The following ARB2A variants were observed in gnomAD, a reference collection of about 807,000 sequenced individuals.
ARB2A encodes the protein cotranscriptional regulator ARB2A.
the ARB2A span, chr5:93,781,742 C>T: frequency 4.2e-6 from 1 of 236,608 alleles, no homozygotes; most frequent in African/African-American, 2.4e-5. Context: ...GATGGTATCT[C>T]ATTTTGGTTT....
the ARB2A span, among the ~76,000 whole-genome samples, chr5:93,940,599 A>G: frequency 1.3e-5 from 2 of 152,044 alleles, no homozygotes; most frequent in Admixed American, 6.6e-5. Context: ...AAATCAAACA[A>G]TATCAGAATA....
the ARB2A span, among the ~76,000 whole-genome samples, chr5:93,787,107 C>T: frequency 1.6e-4 from 24 of 152,076 alleles, 1 homozygote; most frequent in Admixed American, 1.6e-3. Flanking sequence ...TCTACATGGG[C>T]ATATGAATAT....
the ARB2A span, among the ~76,000 whole-genome samples, chr5:93,970,120 C>G: frequency 1.3e-5 from 2 of 152,084 alleles, no homozygotes; most frequent in Non-Finnish European, 1.5e-5. Flanking sequence ...CACGCAATAA[C>G]AACTGTTATT....
chr5:93,888,481 A>G, the ARB2A span, among the ~76,000 whole-genome samples: 1 of 151,850 alleles, frequency 6.6e-6, no homozygotes, highest in Non-Finnish European at 1.5e-5. Flanking sequence ...TCATCTCATT[A>G]ACTTTACTAT....
chr5:94,004,455 G>A, the ARB2A span, among the ~76,000 whole-genome samples: 66 of 151,890 alleles, frequency 4.3e-4, no homozygotes, highest in African/African-American at 1.4e-3. Context: ...TGTGGCAGGC[G>A]CCTGAAGTCC....
At chr5:93,709,271 G>A in the ARB2A span, among the ~76,000 whole-genome samples, 1 of 151,960 alleles carries the variant, frequency 6.6e-6, no homozygotes, top group East Asian at 1.9e-4. Flanking sequence ...TTTACCCCAT[G>A]GTTGGTAGAT....
At chr5:93,907,630 C>T in the ARB2A span, among the ~76,000 whole-genome samples, 2 of 151,176 alleles carry the variant, frequency 1.3e-5, no homozygotes, top group Non-Finnish European at 3.0e-5. Context: ...TCATTTATAC[C>T]AGAATATTAT....
At chr5:93,854,641 T>C in the ARB2A span, among the ~76,000 whole-genome samples, 2 of 152,244 alleles carry the variant, frequency 1.3e-5, no homozygotes, top group Non-Finnish European at 2.9e-5. Context: ...GTCCCAGAGA[T>C]TCTGGAATGT....
chr5:93,779,124 T>TGTGTGTGTGTGTGTGCGCGC, the ARB2A span, among the ~76,000 whole-genome samples: 1 of 146,298 alleles, frequency 6.8e-6, no homozygotes, highest in African/African-American at 2.6e-5. Flanking sequence ...TGTGTGTGTG[T>TGTGTGTGTGTGTGTGCGCGC]GCGCGCGCGC....
the ARB2A span, among the ~76,000 whole-genome samples, chr5:93,643,819 A>C: frequency 6.6e-6 from 1 of 152,250 alleles, no homozygotes; most frequent in South Asian, 2.1e-4. Flanking sequence ...TTCAATTTTA[A>C]GCAAATCGAT....
chr5:93,876,501 C>T, the ARB2A span, among the ~76,000 whole-genome samples: 1 of 151,916 alleles, frequency 6.6e-6, no homozygotes, highest in Non-Finnish European at 1.5e-5. Context: ...CAGAAAAGTG[C>T]TACATAATCT....
the ARB2A span, among the ~76,000 whole-genome samples, chr5:93,899,381 T>G: frequency 6.6e-6 from 1 of 152,132 alleles, no homozygotes; most frequent in Non-Finnish European, 1.5e-5. Flanking sequence ...AACCCTTGTC[T>G]GTAAAAGTTC....
chr5:93,952,878 T>C, the ARB2A span, among the ~76,000 whole-genome samples: 1 of 152,192 alleles, frequency 6.6e-6, no homozygotes, highest in African/African-American at 2.4e-5. Flanking sequence ...CTCTTATAAA[T>C]AGCTTGTCTT....
At chr5:94,093,587 A>C in the ARB2A span, among the ~76,000 whole-genome samples, 1 of 152,164 alleles carries the variant, frequency 6.6e-6, no homozygotes, top group African/African-American at 2.4e-5. Context: ...TTATGGCTTC[A>C]ACATACAAAT....
At chr5:93,968,290 A>C in the ARB2A span, among the ~76,000 whole-genome samples, 1 of 152,162 alleles carries the variant, frequency 6.6e-6, no homozygotes, top group East Asian at 1.9e-4. Flanking sequence ...AATTTAAAAC[A>C]ACTATAATAT....
the ARB2A span, among the ~76,000 whole-genome samples, chr5:94,061,549 T>C: frequency 2.0e-5 from 3 of 152,172 alleles, no homozygotes; most frequent in Non-Finnish European, 2.9e-5. Context: ...TAGAAAATCC[T>C]AAGGAATCCA....
chr5:93,960,353 T>C, the ARB2A span, among the ~76,000 whole-genome samples: 2 of 152,076 alleles, frequency 1.3e-5, no homozygotes, highest in South Asian at 4.1e-4. Flanking sequence ...ATTCCAAACA[T>C]GTCCCGAGAA....
At chr5:94,035,046 C>G in the ARB2A span, among the ~76,000 whole-genome samples, 2 of 152,066 alleles carry the variant, frequency 1.3e-5, no homozygotes, top group East Asian at 3.9e-4. Context: ...AAACTGTCTT[C>G]CATGAAACCA....
At chr5:93,845,114 GATATCCCT>G in the ARB2A span, among the ~76,000 whole-genome samples, 1 of 152,172 alleles carries the variant, frequency 6.6e-6, no homozygotes, top group African/African-American at 2.4e-5. Context: ...ATTGTCCACT[GATATCCCT>G]ATAAGGGGGA....
Sources: gnomAD v4.1 joint callset for allele counts (sites outside exome capture counted in the v4.1 genomes callset) on GRCh38, gnomAD v4.1.1 for gene constraint, MANE v1.5 for transcripts, NCBI Gene and HGNC (gene_info 2026-07-23, HGNC 2026-07-21) for gene names.